Variants in CCDC171 observed in about 807,000 individuals in gnomAD.
CCDC171 encodes coiled-coil domain-containing protein 171.
Under a neutral mutation model 168.2 loss-of-function variants are expected in CCDC171, and 177 were observed. The observed-to-expected ratio is 1.05, with a 90% confidence interval of 0.93 to 1.19. The LOEUF is 1.19. Among genes scored for constraint, CCDC171 ranks in the 50% most tolerant of loss-of-function variants. The pLI, the probability that CCDC171 is intolerant of heterozygous loss-of-function variation, is 0.00. For synonymous variants in CCDC171, 687 were observed against 540.8 expected (o/e 1.27, Z -3.75); for missense variants, 1,991 against 1,539.0 (o/e 1.29, Z -4.91).
chr9:15,694,822 A>G (rs1480218922), intron 10 of CCDC171, among the ~76,000 whole-genome samples: 11 of 152,176 alleles, frequency 7.2e-5, no homozygotes, highest in Admixed American at 4.6e-4. Flanking sequence ...AGTAACTTCA[A>G]ATTGGTCTTA....
intron 6 of CCDC171, among the ~76,000 whole-genome samples, chr9:16,028,272 C>T (rs1833310876): frequency 6.6e-6 from 1 of 152,158 alleles, no homozygotes; most frequent in African/African-American, 2.4e-5. Flanking sequence ...GGTGGCATGA[C>T]CACAGTGTTC....
intron 7 of CCDC171, among the ~76,000 whole-genome samples, chr9:15,633,655 C>G (rs952647420): frequency 1.3e-5 from 2 of 152,222 alleles, no homozygotes; most frequent in African/African-American, 4.8e-5. Flanking sequence ...ACCATTTGAC[C>G]CAGCCATCCC....
chr9:15,795,201 G>A (rs994997136), intron 21 of CCDC171, among the ~76,000 whole-genome samples: 1 of 152,090 alleles, frequency 6.6e-6, no homozygotes, highest in African/African-American at 2.4e-5. Context: ...TGCATTCTCT[G>A]GGGGAAGGAA....
chr9:15,712,738 A>G (rs1298523287), intron 11 of CCDC171, among the ~76,000 whole-genome samples: 5 of 152,172 alleles, frequency 3.3e-5, no homozygotes, highest in Admixed American at 2.6e-4. Flanking sequence ...GTGTCATATC[A>G]TGGTCTCAGT....
At chr9:16,102,488 T>TGGGGGGGGGGG in the CCDC171 span, among the ~76,000 whole-genome samples, 2 of 50,074 alleles carry the variant, frequency 4.0e-5, no homozygotes, top group African/African-American at 5.7e-5. Flanking sequence ...AAACGTGTGT[T>TGGGGGGGGGGG]GGGGGGGGGC....
At chr9:15,609,520 G>A (rs1198180591) in intron 6 of CCDC171, among the ~76,000 whole-genome samples, 5 of 152,098 alleles carry the variant, frequency 3.3e-5, no homozygotes, top group Non-Finnish European at 5.9e-5. Flanking sequence ...AGCATGAGAT[G>A]GGATCTAATT....
intron 16 of CCDC171, among the ~76,000 whole-genome samples, chr9:15,732,241 G>A: frequency 6.6e-6 from 1 of 152,012 alleles, no homozygotes; most frequent in East Asian, 1.9e-4. Flanking sequence ...TTATATATGT[G>A]AAATGATTTT....
At chr9:15,641,276 G>A (rs967267774) in intron 7 of CCDC171, among the ~76,000 whole-genome samples, 1 of 152,256 alleles carries the variant, frequency 6.6e-6, no homozygotes, top group African/African-American at 2.4e-5. Flanking sequence ...TAACTAGTAT[G>A]TACTCATGAT....
intron 6 of CCDC171, among the ~76,000 whole-genome samples, chr9:15,595,466 G>T (rs2042277347): frequency 1.3e-5 from 2 of 152,064 alleles, no homozygotes; most frequent in African/African-American, 4.8e-5. Flanking sequence ...TGTCCCTACA[G>T]AGGACATGAA....
At chr9:16,085,851 G>A in the CCDC171 span, among the ~76,000 whole-genome samples, 1 of 152,242 alleles carries the variant, frequency 6.6e-6, no homozygotes, top group Admixed American at 6.5e-5. Context: ...ATGAATGGGA[G>A]TGAGAAGGGG....
At chr9:16,056,756 C>T (rs1003059965) in intron 1 of CCDC171, among the ~76,000 whole-genome samples, 4 of 151,892 alleles carry the variant, frequency 2.6e-5, no homozygotes, top group South Asian at 4.2e-4. Context: ...CCAAAGTGCT[C>T]GGATTAGAGG....
At chr9:15,785,363 A>G (rs1026580247) in intron 21 of CCDC171, among the ~76,000 whole-genome samples, 2 of 152,166 alleles carry the variant, frequency 1.3e-5, no homozygotes, top group African/African-American at 2.4e-5. Flanking sequence ...CAAAAATGAT[A>G]TAGCCACTAT....
intron 3 of CCDC171, among the ~76,000 whole-genome samples, chr9:15,577,359 A>G (rs1211505324): frequency 6.6e-6 from 1 of 152,232 alleles, no homozygotes; most frequent in Non-Finnish European, 1.5e-5. Flanking sequence ...TAGTAAATCA[A>G]TACTGGCATC....
chr9:15,810,908 G>A (rs1017119452), intron 21 of CCDC171, among the ~76,000 whole-genome samples: 7 of 152,250 alleles, frequency 4.6e-5, no homozygotes, highest in East Asian at 1.9e-4. Context: ...CGCTGAGGCC[G>A]AGGAGGTGCT....
At position 15,792,423 on chromosome 9, in the gene CCDC171, C is replaced by A. The variant is rs1468389276; in HGVS notation, c.3267+7729C>A. Among the ~76,000 whole-genome samples, 3 of 152,148 alleles carry A rather than the reference C, an allele frequency of 2.0e-5. No individual in the cohort carries two copies. In the East Asian group the frequency reaches 5.8e-4, roughly 29 times the overall value. On this transcript the variant is annotated intron_variant, in intron 21 of 25. Coordinates refer to ENST00000380701, the MANE Select transcript of CCDC171 (RefSeq NM_173550.4). Reference sequence around the variant, plus strand: ...TTCAGGATATTATCCAGGAGAACTTCCCCAACCTAGCAAGGCAGGCCAACA... The same window carrying A: ...TTCAGGATATTATCCAGGAGAACTTACCCAACCTAGCAAGGCAGGCCAACA...
intron 11 of CCDC171, among the ~76,000 whole-genome samples, chr9:15,712,492 T>A (rs574453719): frequency 6.6e-6 from 1 of 152,346 alleles, no homozygotes; most frequent in East Asian, 1.9e-4. Flanking sequence ...TCATTTGCTG[T>A]AAAATGCATT....
At chr9:16,032,903 G>T (rs1376814981) in intron 6 of CCDC171, among the ~76,000 whole-genome samples, 2 of 152,176 alleles carry the variant, frequency 1.3e-5, no homozygotes, top group African/African-American at 4.8e-5. Context: ...CCAGGGCCTG[G>T]ATTCCAGGTT....
At chr9:15,856,840 TC>T (rs2061365019) in intron 23 of CCDC171, among the ~76,000 whole-genome samples, 1 of 152,086 alleles carries the variant, frequency 6.6e-6, no homozygotes, top group Middle Eastern at 3.2e-3. Context: ...GTACATGGGT[TC>T]CAGTTTCTCC....
At chr9:15,873,513 A>C (rs868676840) in intron 23 of CCDC171, among the ~76,000 whole-genome samples, 1 of 152,074 alleles carries the variant, frequency 6.6e-6, no homozygotes, top group African/African-American at 2.4e-5. Flanking sequence ...ATATTTATTA[A>C]GTATATGGTA....
Sources: gnomAD v4.1 joint callset for allele counts (sites outside exome capture counted in the v4.1 genomes callset) on GRCh38, gnomAD v4.1.1 for gene constraint, MANE v1.5 for transcripts, NCBI Gene and HGNC (gene_info 2026-07-23, HGNC 2026-07-21) for gene names.